Variants in TMEM229B observed in about 807,000 individuals in gnomAD.
TMEM229B encodes transmembrane protein 229B.
A neutral mutation model predicts 13.7 loss-of-function variants in TMEM229B; 6 were observed. The ratio of observed to expected loss-of-function variants is 0.44; its 90% CI spans 0.24 to 0.86. TMEM229B has a LOEUF of 0.86. TMEM229B is among the 40% of genes least tolerant of loss of function. The pLI is 0.23. For synonymous variants in TMEM229B, 107 were observed against 102.1 expected (o/e 1.05, Z -0.29); for missense variants, 170 against 236.0 (o/e 0.72, Z 1.83).
chr14:67,518,716 T>C (rs1433289978), upstream of TMEM229B, among the ~76,000 whole-genome samples: 1 of 152,236 alleles, frequency 6.6e-6, no homozygotes, highest in African/African-American at 2.4e-5. Context: ...AGTAATTTTC[T>C]TGATGACTTT....
At chr14:67,475,680 A>C in intron 2 of TMEM229B, among the ~76,000 whole-genome samples, 1 of 152,142 alleles carries the variant, frequency 6.6e-6, no homozygotes, top group East Asian at 1.9e-4. Flanking sequence ...CTGAGGGGAA[A>C]CCAATGGATT....
upstream of TMEM229B, among the ~76,000 whole-genome samples, chr14:67,516,752 C>T (rs2033209084): frequency 6.6e-6 from 1 of 152,212 alleles, no homozygotes; most frequent in South Asian, 2.1e-4. Context: ...TTTCTAAGCC[C>T]ATCCCCATGT....
chr14:67,498,298 C>T (rs1232649316), intron 1 of TMEM229B, among the ~76,000 whole-genome samples: 3 of 152,170 alleles, frequency 2.0e-5, no homozygotes, highest in African/African-American at 4.8e-5. Flanking sequence ...TGGGCAATCA[C>T]TCTGTGGTTC....
At chr14:67,489,370 G>T (rs966116114), upstream of TMEM229B, among the ~76,000 whole-genome samples, 1 of 152,122 alleles carries the variant, frequency 6.6e-6, no homozygotes, top group Non-Finnish European at 1.5e-5. Context: ...TGCATGCAAG[G>T]GTCTTCAAGT....
At chr14:67,476,707 G>A (rs778281729) in intron 2 of TMEM229B, among the ~76,000 whole-genome samples, 26 of 152,076 alleles carry the variant, frequency 1.7e-4, no homozygotes, top group Non-Finnish European at 3.1e-4. Flanking sequence ...CATATCCCAG[G>A]GCCAGTAAAT....
intron 1 of TMEM229B, among the ~76,000 whole-genome samples, chr14:67,502,698 C>T (rs2032659231): frequency 6.6e-6 from 1 of 151,998 alleles, no homozygotes; most frequent in South Asian, 2.1e-4. Context: ...GTGATCCACC[C>T]ACCATGGCCT....
chr14:67,474,271 A>AAAC (rs2031025646), intron 2 of TMEM229B, among the ~76,000 whole-genome samples: 1 of 151,578 alleles, frequency 6.6e-6, no homozygotes, highest in Non-Finnish European at 1.5e-5. Context: ...AAAACAAAAA[A>AAAC]AAAACAGAGC....
At position 67,528,062 on chromosome 14, in the gene TMEM229B, C is replaced by T. The variant is rs561057415; in HGVS notation, c.-192+5574G>A. Among the ~76,000 whole-genome samples the T allele has an allele frequency of 4.9e-4, 74 of 152,256 alleles. No individual in the cohort carries two copies. In the Middle Eastern group the frequency reaches 0.01, roughly 21 times the overall value. On this transcript the variant is annotated intron_variant, in intron 1 of 2. Coordinates refer to the TMEM229B transcript ENST00000554278. Reference sequence around the variant, plus strand: ...ATGAATGTATGAACACAGGACCTCTCGTAGTTCAGCTCTGAGATGGGCTGG... The same window carrying T: ...ATGAATGTATGAACACAGGACCTCTTGTAGTTCAGCTCTGAGATGGGCTGG...
chr14:67,505,339 A>C (rs2032779566), intron 1 of TMEM229B, among the ~76,000 whole-genome samples: 1 of 152,088 alleles, frequency 6.6e-6, no homozygotes, highest in Non-Finnish European at 1.5e-5. Context: ...ATTCACCAGG[A>C]CCACTCAGGA....
intron 1 of TMEM229B, among the ~76,000 whole-genome samples, chr14:67,497,552 G>A (rs528151860): frequency 4.1e-4 from 62 of 152,214 alleles, no homozygotes; most frequent in African/African-American, 1.2e-3. Context: ...ACTTTGGAAC[G>A]TTCTACTGGA....
intron 1 of TMEM229B, among the ~76,000 whole-genome samples, chr14:67,496,878 A>G (rs1157217899): frequency 6.7e-6 from 1 of 150,086 alleles, no homozygotes; most frequent in Non-Finnish European, 1.5e-5. Context: ...GCTCACTGCA[A>G]CCTCTGCCTC....
chr14:67,488,243 G>C (rs142711542), intron 1 of TMEM229B, among the ~76,000 whole-genome samples: 159 of 152,346 alleles, frequency 1.0e-3, no homozygotes, highest in African/African-American at 3.7e-3. Context: ...CTGACCACCA[G>C]GGTCTCTGAG....
At chr14:67,483,104 G>A (rs1383985779) in intron 2 of TMEM229B, among the ~76,000 whole-genome samples, 1 of 152,036 alleles carries the variant, frequency 6.6e-6, no homozygotes, top group East Asian at 1.9e-4. Context: ...TCTGTCGCCC[G>A]GGTTCAAGCA....
chr14:67,519,981 C>A (rs569858848), upstream of TMEM229B, among the ~76,000 whole-genome samples: 5 of 152,172 alleles, frequency 3.3e-5, no homozygotes, highest in African/African-American at 1.2e-4. Context: ...CCTCGGCCCC[C>A]CAAAGTGCTG....
intron 1 of TMEM229B, among the ~76,000 whole-genome samples, chr14:67,532,850 G>C (rs2033509818): frequency 6.6e-6 from 1 of 152,212 alleles, no homozygotes; most frequent in Admixed American, 6.5e-5. Context: ...TGGAACCTTT[G>C]GCGGAGACGG....
upstream of TMEM229B, among the ~76,000 whole-genome samples, chr14:67,489,218 G>A (rs1011753263): frequency 6.6e-6 from 1 of 152,174 alleles, no homozygotes; most frequent in African/African-American, 2.4e-5. Context: ...TGAAAACACA[G>A]AGGGTTCAGG....
At chr14:67,477,323 T>C (rs146532077) in intron 2 of TMEM229B, among the ~76,000 whole-genome samples, 17 of 152,336 alleles carry the variant, frequency 1.1e-4, no homozygotes, top group African/African-American at 3.6e-4. Flanking sequence ...TCTCCATGCC[T>C]TTGCAGGTCC....
chr14:67,495,082 G>A lies in TMEM229B; in HGVS notation c.-191-7910C>T, dbSNP rs141267343. Among the ~76,000 whole-genome samples, 6 of 152,276 alleles carry A rather than the reference G, an allele frequency of 3.9e-5. No homozygotes were observed. The East Asian group carries it at 1.2e-3, about 29-fold the overall frequency. ...ATTTGAAATTATTTCTAAATAAAAA[G>A]TTTGGAGGCAAAAACATCAGGGACC... On this transcript the variant is annotated intron_variant, in intron 1 of 2. Transcript: ENST00000357461.
At chr14:67,500,661 T>A (rs2032570561) in intron 1 of TMEM229B, among the ~76,000 whole-genome samples, 1 of 145,474 alleles carries the variant, frequency 6.9e-6, no homozygotes, top group African/African-American at 2.5e-5. Context: ...AACCTCCACC[T>A]CCCAGGTTCA....
Sources: allele counts gnomAD v4.1 joint callset (sites outside exome capture counted in the v4.1 genomes callset), GRCh38; gene constraint gnomAD v4.1.1; transcripts MANE v1.5; gene names NCBI Gene and HGNC (gene_info 2026-07-23, HGNC 2026-07-21).